The following ITGAX variants were observed in gnomAD, a reference collection of about 807,000 sequenced individuals.
ITGAX encodes integrin alpha-X.
Under a neutral mutation model 140.2 loss-of-function variants are expected in ITGAX, and 99 were observed. The ratio of observed to expected loss-of-function variants is 0.71; its 90% CI spans 0.60 to 0.83. ITGAX has a LOEUF of 0.83. Ranked by LOEUF, ITGAX falls within the 40% of genes least tolerant of loss-of-function variation. The pLI is 0.00. For synonymous variants in ITGAX, 631 were observed against 600.4 expected (o/e 1.05, Z -0.75); for missense variants, 1,444 against 1,482.0 (o/e 0.97, Z 0.42).
At chr16:31,372,554 G>T (rs1296773129) in intron 18 of ITGAX, 43 bp from the exon 19 acceptor site, 2 of 1,613,874 alleles carry the variant, frequency 1.2e-6, no homozygotes, top group Admixed American at 3.3e-5. Flanking sequence ...CACAGCGTGG[G>T]GCCTGGGTCT....
chr16:31,369,873 A>C (rs1203058012), intron 14 of ITGAX: 1 of 151,912 alleles, frequency 6.6e-6, no homozygotes, highest in Non-Finnish European at 1.5e-5. Flanking sequence ...GCAGCCTCGA[A>C]CTCCTGGACT....
In ITGAX at chr16:31,380,461, C is replaced by A. The variant is rs1014508396; in HGVS notation, c.3175-62C>A. Reference sequence around the variant, plus strand: ...CTGTGCCCATCTGCAAGCCAGGGCACCCCCAGAGCTCTGAGCCTCCCCCAG... The same window carrying A: ...CTGTGCCCATCTGCAAGCCAGGGCAACCCCAGAGCTCTGAGCCTCCCCCAG... On this transcript the variant is annotated intron_variant, in intron 27 of 29. Transcript: ENST00000268296. 2.3e-5 allele frequency: 37 copies of A among 1,611,444 alleles called. No homozygotes were observed. The African/African-American group carries it at 2.8e-4, about 12-fold the overall frequency.
Position 31,361,155 on chromosome 16 carries a change from C to T in ITGAX, c.954C>T (p.Asp318=), listed in dbSNP as rs769407928. The change falls in exon 9 of 30, where the codon GAC becomes GAT. Residue 318 remains aspartate, a synonymous_variant. Transcript: ENST00000268296. ...PSQEHIFKVE[D]FDALKDIQNQ... ...AGGAACACATATTTAAAGTGGAGGA[C>T]TTTGATGCTCTGAAAGATATTCAAA... 6.8e-6 allele frequency: 11 copies of T among 1,613,914 alleles called. No individual in the cohort carries two copies. The East Asian group carries it at 1.3e-4, about 20-fold the overall frequency.
intron 20 of ITGAX, 29 bp downstream of exon 20, chr16:31,373,419 C>T (rs1265406743): frequency 1.3e-6 from 2 of 1,596,830 alleles, no homozygotes; most frequent in Non-Finnish European, 8.5e-7. Context: ...GAGGAGGAGG[C>T]AGGGCTGGGC....
chr16:31,360,781 A>T (rs954390107), intron 8 of ITGAX: 4 of 509,996 alleles, frequency 7.8e-6, no homozygotes, highest in Non-Finnish European at 1.0e-5. Flanking sequence ...CTCCCAAAGC[A>T]CAGGGATTAC....
At position 31,357,252 on chromosome 16, in the gene ITGAX, G is replaced by A; in HGVS notation, c.319-1G>A. The A allele has an allele frequency of 6.2e-7, 1 of 1,600,758 alleles. No homozygotes were observed. Among genetic ancestry groups the A allele is most frequent in the Non-Finnish European group, 8.5e-7 (1 of 1,173,796 alleles). The stretch of plus-strand genomic sequence containing the variant: ...CCCCCAGCAGCCCGCTGTGTCCCCA[G>A]GCCTGCGGCCCCACCGTGCACCACG... On this transcript the variant is annotated splice_acceptor_variant, in intron 4 of 29. Coordinates refer to ENST00000268296, the MANE Select transcript of ITGAX (RefSeq NM_000887.5). LOFTEE classifies it high-confidence loss of function.
intron 24 of ITGAX, 31 bp from the exon 25 acceptor site, chr16:31,379,726 G>T (rs374886554): frequency 5.6e-6 from 9 of 1,605,516 alleles, no homozygotes; most frequent in African/African-American, 1.3e-5. Flanking sequence ...GGGCTTTGGC[G>T]TGGGCTCTGC....
At position 31,363,507 on chromosome 16, in the gene ITGAX, C is replaced by T. The variant is rs116554953; in HGVS notation, c.1710+133C>T. ...AGCTCTGAGCACCTTGTAGCAGTGGCGTGGTCTCAGCTCACTGCAACCTCC... is the reference window on the plus strand; with the variant it reads ...AGCTCTGAGCACCTTGTAGCAGTGGTGTGGTCTCAGCTCACTGCAACCTCC... On this transcript the variant is annotated intron_variant, in intron 14 of 29. Transcript: ENST00000268296. 900 of 1,018,674 alleles carry T rather than the reference C, an allele frequency of 8.8e-4. 6 individuals are homozygous for T. In the African/African-American group the frequency reaches 0.013, roughly 14 times the overall value. The allele number at this position is 1,018,674 out of a possible 1,614,324, so 63.1% of individuals were successfully genotyped here.
intron 5 of ITGAX, 151 bp from the exon 6 acceptor site, chr16:31,359,549 G>C: frequency 1.2e-6 from 1 of 802,422 alleles, no homozygotes; most frequent in South Asian, 1.8e-5. Context: ...CTGATGAGGA[G>C]AGGACCCAGG....
chr16:31,371,415 G>C lies in ITGAX; in HGVS notation c.1923G>C (p.Glu641Asp). Residue 641 changes from glutamate to aspartate, a missense_variant, in exon 16 of 30, where the codon GAG becomes GAC. Coordinates refer to ENST00000268296, the MANE Select transcript of ITGAX (RefSeq NM_000887.5). ...EIPRSAFECR[E>D]QVVSEQTLVQ... The stretch of plus-strand genomic sequence containing the variant: ...CCAGGTCTGCGTTTGAGTGTCGGGA[G>C]CAGGTGGTCTCTGAGCAGACCCTGG... 2 of 1,614,204 alleles carry C rather than the reference G, an allele frequency of 1.2e-6. No individual in the cohort carries two copies. The highest frequency in any genetic ancestry group is 2.2e-5 in the South Asian group (2 of 91,088).
chr16:31,380,795 G>C, intron 28 of ITGAX, 102 bp from the exon 29 acceptor site: 1 of 1,285,658 alleles, frequency 7.8e-7, no homozygotes, highest in Non-Finnish European at 1.1e-6. Context: ...CTTGGAGCAG[G>C]GCCTGGGGAA....
intron 9 of ITGAX, chr16:31,361,488 A>ACCCAGG: frequency 1.5e-6 from 1 of 665,870 alleles, no homozygotes; most frequent in South Asian, 1.8e-5. Flanking sequence ...GCCAGGCCCA[A>ACCCAGG]CCCAGGAGAC....
At chr16:31,373,506 C>A in intron 20 of ITGAX, 116 bp downstream of exon 20, 1 of 1,062,676 alleles carries the variant, frequency 9.4e-7, no homozygotes. Flanking sequence ...CACGCCTCTG[C>A]TCGTGTGGGT....
chr16:31,380,405 C>T (rs1171953179), intron 27 of ITGAX, 26 bp downstream of exon 27: 5 of 1,612,346 alleles, frequency 3.1e-6, no homozygotes, highest in Middle Eastern at 3.3e-4. Context: ...GACAGAGCCC[C>T]TGCCCCAGAC....
chr16:31,381,080 A>C, intron 29 of ITGAX, 73 bp downstream of exon 29: 1 of 1,215,016 alleles, frequency 8.2e-7, no homozygotes, highest in Non-Finnish European at 1.2e-6. Flanking sequence ...GAAGGAGCTC[A>C]CTTTGAAGGC....
At chr16:31,367,227 A>G (rs2080901297) in intron 14 of ITGAX, among the ~76,000 whole-genome samples, 1 of 152,238 alleles carries the variant, frequency 6.6e-6, no homozygotes, top group African/African-American at 2.4e-5. Flanking sequence ...TCCACAACAT[A>G]AAAGTACAAG....
intron 23 of ITGAX, among the ~76,000 whole-genome samples, chr16:31,378,464 T>G (rs1251860702): frequency 6.6e-6 from 1 of 150,836 alleles, no homozygotes; most frequent in East Asian, 1.9e-4. Flanking sequence ...ATGAGCTCTT[T>G]GCCTCATTTT....
Position 31,361,510 on chromosome 16 carries a change from C to T in ITGAX, c.1012+297C>T, listed in dbSNP as rs2080824998. On this transcript the variant is annotated intron_variant, in intron 9 of 29. Transcript: ENST00000268296. ...CCAACCCAGGAGACCCTTCCACCCA[C>T]ACCGGGCCCTACCCAGCCCACATCC... 4.4e-6 allele frequency: 3 copies of T among 676,662 alleles called. No homozygotes were observed. In the Admixed American group the frequency reaches 7.3e-5, roughly 16 times the overall value. The allele number at this position is 676,662 out of a possible 1,614,324, so 41.9% of individuals were successfully genotyped here. A position where few individuals can be genotyped will look rare whatever the true frequency, so the allele number is the denominator to read the frequency against.
In ITGAX at chr16:31,373,796, C is replaced by T. The variant is rs142653836; in HGVS notation, c.2508+406C>T. 6.4e-4 allele frequency among the ~76,000 whole-genome samples: 98 copies of T among 152,294 alleles called. No homozygotes were observed. The East Asian group carries it at 0.017, about 27-fold the overall frequency. On this transcript the variant is annotated intron_variant, in intron 20 of 29. Transcript: ENST00000268296. ...GTAAATATTTCAGCTTCGTGGTCTG[C>T]GTGGTCTGTGTCACAGCTGCTAACC...
Sources: gnomAD v4.1 joint callset for allele counts (sites outside exome capture counted in the v4.1 genomes callset) on GRCh38, gnomAD v4.1.1 for gene constraint, MANE v1.5 for transcripts, NCBI Gene and HGNC (gene_info 2026-07-23, HGNC 2026-07-21) for gene names.